Variants in FNDC3A observed in about 807,000 individuals in gnomAD.
FNDC3A encodes the protein fibronectin type-III domain-containing protein 3A.
A neutral mutation model predicts 148.9 loss-of-function variants in FNDC3A; 32 were observed. The ratio of observed to expected loss-of-function variants is 0.21; its 90% CI spans 0.16 to 0.29. The LOEUF is 0.29. Among genes scored for constraint, FNDC3A ranks in the 10% least tolerant of loss-of-function variants. FNDC3A has a pLI of 1.00. For missense variants in FNDC3A, 1,191 were observed against 1,452.8 expected (o/e 0.82, Z 2.93); for synonymous variants, 472 against 473.6 (o/e 1.00, Z 0.04).
intron 2 of FNDC3A, among the ~76,000 whole-genome samples, chr13:49,051,624 A>G (rs1392911990): frequency 6.6e-6 from 1 of 152,174 alleles, no homozygotes; most frequent in African/African-American, 2.4e-5. Flanking sequence ...TTGTCTTGGC[A>G]TTAGATGAGT....
At chr13:49,110,374 T>C (rs1202829961) in intron 3 of FNDC3A, 1 of 1,612,928 alleles carries the variant, frequency 6.2e-7, no homozygotes, top group Non-Finnish European at 8.5e-7. Context: ...GATTTTCTTG[T>C]TCTCTGCTGC....
chr13:49,040,987 T>C lies in FNDC3A; in HGVS notation c.100-34302T>C, dbSNP rs138346761. On this transcript the variant is annotated intron_variant, in intron 2 of 25. Transcript: ENST00000492622. ...TCCCTCCGCTCATCATATTGTACTA[T>C]TATAATGAGATTATGGAAAATTCCA... Among the ~76,000 whole-genome samples the C allele has an allele frequency of 2.6e-5, 4 of 152,346 alleles. No homozygotes were observed. The East Asian group carries it at 7.7e-4, about 29-fold the overall frequency.
chr13:49,198,386 C>T lies in FNDC3A; in HGVS notation c.2799C>T (p.Ser933=). The T allele has an allele frequency of 6.2e-7, 1 of 1,614,072 alleles. No individual in the cohort carries two copies. Among genetic ancestry groups the T allele is most frequent in the Non-Finnish European group, 8.5e-7 (1 of 1,179,984 alleles). ...GAATACGAATTCAAGCCTTGAATAGCCTTGGAGCTGGTCCTTTCAGCCATA... is the reference window on the plus strand; with the variant it reads ...GAATACGAATTCAAGCCTTGAATAGTCTTGGAGCTGGTCCTTTCAGCCATA... The part of the protein sequence containing the change: ...TYRIRIQALN[S]LGAGPFSHMI... The change falls in exon 23 of 26, where the codon AGC becomes AGT. Residue 933 remains serine, a synonymous_variant. Coordinates refer to ENST00000492622, the MANE Select transcript of FNDC3A (RefSeq NM_001079673.2).
intron 1 of FNDC3A, among the ~76,000 whole-genome samples, chr13:49,002,154 C>G (rs1952138187): frequency 6.6e-6 from 1 of 152,158 alleles, no homozygotes; most frequent in South Asian, 2.1e-4. Context: ...TCTTTTATTT[C>G]TTTTTCTTGC....
intron 5 of FNDC3A, among the ~76,000 whole-genome samples, chr13:49,134,929 A>ACCTCTGC (rs1168845016): frequency 1.5e-5 from 2 of 132,802 alleles, no homozygotes; most frequent in Non-Finnish European, 3.1e-5. Flanking sequence ...GCTCACTGCA[A>ACCTCTGC]CCTCTGCCCT....
At chr13:49,168,958 G>A (rs1290173120) in intron 10 of FNDC3A, among the ~76,000 whole-genome samples, 1 of 152,120 alleles carries the variant, frequency 6.6e-6, no homozygotes, top group Non-Finnish European at 1.5e-5. Flanking sequence ...AAAACGATTT[G>A]TAATTAACAG....
At chr13:49,054,414 C>T (rs1876075701) in intron 2 of FNDC3A, among the ~76,000 whole-genome samples, 1 of 152,102 alleles carries the variant, frequency 6.6e-6, no homozygotes, top group African/African-American at 2.4e-5. Flanking sequence ...CTATCAGACC[C>T]ACTACTGCCC....
chr13:49,149,182 C>G (rs1461781730), intron 8 of FNDC3A, among the ~76,000 whole-genome samples: 3 of 143,276 alleles, frequency 2.1e-5, no homozygotes, highest in Non-Finnish European at 1.5e-5. Context: ...TTTTTTTAAT[C>G]TGAATACCTT....
At chr13:49,029,395 C>T (rs1333254951) in intron 2 of FNDC3A, among the ~76,000 whole-genome samples, 1 of 152,042 alleles carries the variant, frequency 6.6e-6, no homozygotes, top group African/African-American at 2.4e-5. Context: ...ATACAACATA[C>T]TAAAATTTAT....
intron 1 of FNDC3A, among the ~76,000 whole-genome samples, chr13:48,998,136 A>G (rs1952058139): frequency 6.6e-6 from 1 of 152,164 alleles, no homozygotes; most frequent in South Asian, 2.1e-4. Context: ...CCTTGTAATA[A>G]AGTGGCAAAG....
chr13:49,192,884 A>G lies in FNDC3A; in HGVS notation c.2226+1500A>G, dbSNP rs535482699. On this transcript the variant is annotated intron_variant, in intron 19 of 25. Transcript: ENST00000492622. ...TACCAGAGAGCAGTACTGATAAATA[A>G]TGTACTATAAGTACACTATTTACAG... Among the ~76,000 whole-genome samples, 22 of 152,324 alleles carry G rather than the reference A, an allele frequency of 1.4e-4. No individual in the cohort carries two copies. In the East Asian group the frequency reaches 3.7e-3, roughly 25 times the overall value.
rs751509313 is a variant in FNDC3A, at chr13:49,174,423, C to T, written c.1231-12C>T. Reference sequence around the variant, plus strand: ...ATGTACATGGTATATAATAATCAGCCATTTCTTGTAGGGAAAAGGAAATGG... The same window carrying T: ...ATGTACATGGTATATAATAATCAGCTATTTCTTGTAGGGAAAAGGAAATGG... On this transcript the variant is annotated splice_polypyrimidine_tract_variant and intron_variant, in intron 11 of 25. Coordinates refer to ENST00000492622, the MANE Select transcript of FNDC3A (RefSeq NM_001079673.2). 2 of 1,605,116 alleles carry T rather than the reference C, an allele frequency of 1.2e-6. No homozygotes were observed. Among genetic ancestry groups the T allele is most frequent in the East Asian group, 4.5e-5 (2 of 44,740 alleles).
chr13:49,067,316 C>T lies in FNDC3A; in HGVS notation c.100-7973C>T, dbSNP rs186478716. Among the ~76,000 whole-genome samples the T allele has an allele frequency of 9.2e-5, 14 of 152,256 alleles. No individual in the cohort carries two copies. The East Asian group carries it at 1.9e-3, about 21-fold the overall frequency. On this transcript the variant is annotated intron_variant, in intron 2 of 25. Coordinates refer to ENST00000492622, the MANE Select transcript of FNDC3A (RefSeq NM_001079673.2). ...CTAATAACATTAGAGCAGTGTCTTTCGCATTTCTTAATTCCCTCTCTAATT... is the reference window on the plus strand; with the variant it reads ...CTAATAACATTAGAGCAGTGTCTTTTGCATTTCTTAATTCCCTCTCTAATT...
Position 49,145,906 on chromosome 13 carries a change from A to G in FNDC3A, c.948A>G (p.Gly316=), listed in dbSNP as rs913653607. 1.8e-5 allele frequency: 29 copies of G among 1,612,518 alleles called. No homozygotes were observed. Among genetic ancestry groups the G allele is most frequent in the Non-Finnish European group, 2.5e-5 (29 of 1,179,076 alleles). The change falls in exon 8 of 26, where the codon GGA becomes GGG. Residue 316 remains glycine, a synonymous_variant. Transcript: ENST00000492622. Reference sequence around the variant, plus strand: ...ATGAAGTTCTGATCTCAAGTACTGGAAAAGATGGGAAATACAAAAGTGTAT... The same window carrying G: ...ATGAAGTTCTGATCTCAAGTACTGGGAAAGATGGGAAATACAAAAGTGTAT... ...YGYEVLISST[G]KDGKYKSVYV...
At chr13:49,021,865 C>A (rs940324789) in intron 2 of FNDC3A, among the ~76,000 whole-genome samples, 6 of 152,128 alleles carry the variant, frequency 3.9e-5, no homozygotes, top group South Asian at 2.1e-4. Context: ...CTATGTAATA[C>A]AACATTTTTT....
chr13:48,997,597 G>T (rs1952046154), intron 1 of FNDC3A, among the ~76,000 whole-genome samples: 2 of 152,108 alleles, frequency 1.3e-5, no homozygotes, highest in Admixed American at 6.5e-5. Flanking sequence ...GAGCTTGCAT[G>T]CTCTCTGCCT....
intron 2 of FNDC3A, among the ~76,000 whole-genome samples, chr13:49,059,563 C>A (rs1337099800): frequency 1.3e-5 from 2 of 152,294 alleles, no homozygotes; most frequent in Middle Eastern, 3.4e-3. Flanking sequence ...TCAAGTGATT[C>A]TTCTGCCTCA....
At chr13:49,101,915 G>A (rs564325283) in intron 3 of FNDC3A, among the ~76,000 whole-genome samples, 1 of 151,474 alleles carries the variant, frequency 6.6e-6, no homozygotes, top group East Asian at 1.9e-4. Flanking sequence ...GTGGTCCTTG[G>A]TACCTGATTT....
chr13:49,100,270 G>A (rs1879781309), intron 3 of FNDC3A, among the ~76,000 whole-genome samples: 1 of 152,008 alleles, frequency 6.6e-6, no homozygotes, highest in Admixed American at 6.6e-5. Context: ...AGTCAATAAA[G>A]AAACATACCA....
Sources: allele counts gnomAD v4.1 joint callset (sites outside exome capture counted in the v4.1 genomes callset), GRCh38; gene constraint gnomAD v4.1.1; transcripts MANE v1.5; gene names NCBI Gene and HGNC (gene_info 2026-07-23, HGNC 2026-07-21).